The following SLC5A4 variants were observed in gnomAD, a reference collection of about 807,000 sequenced individuals.
The protein encoded by SLC5A4 is probable glucose sensor protein SLC5A4.
Under a neutral mutation model 70.3 loss-of-function variants are expected in SLC5A4, and 55 were observed. The observed-to-expected ratio is 0.78, with a 90% CI of 0.63 to 0.98. The LOEUF is 0.98. Among genes scored for constraint, SLC5A4 ranks in the 50% least tolerant of loss-of-function variants. The probability of loss-of-function intolerance (pLI) is 0.00; values close to 1 mark genes in which losing one functional copy is unlikely to be tolerated. For missense variants in SLC5A4, 735 were observed against 839.2 expected (o/e 0.88, Z 1.53); for synonymous variants, 268 against 305.7 (o/e 0.88, Z 1.29).
chr22:32,247,082 T>G (rs1926873347), intron 5 of SLC5A4, among the ~76,000 whole-genome samples: 3 of 152,224 alleles, frequency 2.0e-5, no homozygotes, highest in African/African-American at 7.2e-5. Flanking sequence ...GACCAAGTCC[T>G]TCTCTTTACT....
the SLC5A4 span, among the ~76,000 whole-genome samples, chr22:32,337,322 TA>T: frequency 6.6e-6 from 1 of 152,182 alleles, no homozygotes; most frequent in African/African-American, 2.4e-5. Flanking sequence ...TGCCTGGGCT[TA>T]GGAGTTCAGG....
At chr22:32,335,156 G>T in the SLC5A4 span, among the ~76,000 whole-genome samples, 1 of 152,178 alleles carries the variant, frequency 6.6e-6, no homozygotes, top group Non-Finnish European at 1.5e-5. Flanking sequence ...AGGACACTGG[G>T]AGCCCTGGGA....
chr22:32,224,480 T>C lies in SLC5A4; in HGVS notation c.1452A>G (p.Gly484=). The C allele has an allele frequency of 6.2e-7, 1 of 1,610,538 alleles. No individual in the cohort carries two copies. The highest frequency in any genetic ancestry group is 8.5e-7 in the Non-Finnish European group (1 of 1,177,036). Residue 484 remains glycine (G), a splice_region_variant and synonymous_variant, in exon 13 of 15, where the codon GGA becomes GGG. Coordinates refer to ENST00000266086, the MANE Select transcript of SLC5A4 (RefSeq NM_014227.3). ...AIFCKRVNEQ[G]AFWGLMVGLA... ...GTCCAACCATTAGACCCCAGAATGCTCCCTGCAAAAGAAGCAAGAAGAAAA... is the reference window on the plus strand; with the variant it reads ...GTCCAACCATTAGACCCCAGAATGCCCCCTGCAAAAGAAGCAAGAAGAAAA...
chr22:32,336,901 G>A, the SLC5A4 span, among the ~76,000 whole-genome samples: 1 of 152,226 alleles, frequency 6.6e-6, no homozygotes, highest in South Asian at 2.1e-4. Context: ...CCTACGGCCA[G>A]CCTTCAATAA....
chr22:32,307,424 G>C, the SLC5A4 span, among the ~76,000 whole-genome samples: 1 of 152,142 alleles, frequency 6.6e-6, no homozygotes, highest in East Asian at 1.9e-4. Flanking sequence ...GTGTCCGTTA[G>C]GCACAAATAG....
chr22:32,327,777 A>G, the SLC5A4 span, among the ~76,000 whole-genome samples: 1 of 151,882 alleles, frequency 6.6e-6, no homozygotes, highest in African/African-American at 2.4e-5. Flanking sequence ...GGATGTAGTC[A>G]CTCTCAGGGG....
the SLC5A4 span, among the ~76,000 whole-genome samples, chr22:32,312,423 G>A: frequency 6.6e-6 from 1 of 151,712 alleles, no homozygotes; most frequent in East Asian, 1.9e-4. Flanking sequence ...GCCCCAAGGG[G>A]CCGCTATTGG....
At chr22:32,286,640 G>A in the SLC5A4 span, among the ~76,000 whole-genome samples, 4 of 152,156 alleles carry the variant, frequency 2.6e-5, no homozygotes, top group Non-Finnish European at 5.9e-5. Flanking sequence ...TGTGTGCCAA[G>A]GACACTGATA....
chr22:32,325,888 C>T, the SLC5A4 span, among the ~76,000 whole-genome samples: 1 of 152,208 alleles, frequency 6.6e-6, no homozygotes, highest in African/African-American at 2.4e-5. Flanking sequence ...CAGCCCCTCT[C>T]GTCCAGGGCA....
chr22:32,240,919 T>C (rs1926473585), intron 5 of SLC5A4, among the ~76,000 whole-genome samples: 1 of 152,250 alleles, frequency 6.6e-6, no homozygotes, highest in Non-Finnish European at 1.5e-5. Flanking sequence ...TAGAGAAGTA[T>C]AGATAAATTA....
chr22:32,337,984 C>A, the SLC5A4 span, among the ~76,000 whole-genome samples: 1 of 149,128 alleles, frequency 6.7e-6, no homozygotes, highest in Non-Finnish European at 1.5e-5. Context: ...AACAGGCTCC[C>A]AAAATTCCTA....
At chr22:32,260,269 G>A (rs1378767781), upstream of SLC5A4, among the ~76,000 whole-genome samples, 1 of 152,146 alleles carries the variant, frequency 6.6e-6, no homozygotes, top group Admixed American at 6.5e-5. Flanking sequence ...CAGAGGTGGG[G>A]GTGCTTACAT....
At chr22:32,275,089 C>T in the SLC5A4 span, among the ~76,000 whole-genome samples, 1 of 152,146 alleles carries the variant, frequency 6.6e-6, no homozygotes, top group African/African-American at 2.4e-5. Flanking sequence ...CTCTATTGTA[C>T]ACCAGTAGTA....
the SLC5A4 span, chr22:32,272,011 C>T: frequency 3.4e-5 from 21 of 623,542 alleles, no homozygotes; most frequent in East Asian, 5.9e-5. Context: ...CCCCAGGAGG[C>T]GGCCTTATCT....
chr22:32,238,329 A>T (rs1025449873), intron 6 of SLC5A4, among the ~76,000 whole-genome samples: 1 of 152,090 alleles, frequency 6.6e-6, no homozygotes. Flanking sequence ...CATTTTGGAG[A>T]GTTGGTCTCT....
At chr22:32,272,999 T>C in the SLC5A4 span, 2 of 539,974 alleles carry the variant, frequency 3.7e-6, no homozygotes, top group African/African-American at 1.9e-5. Context: ...GCTCAACCGC[T>C]ACCTGTACCT....
the SLC5A4 span, among the ~76,000 whole-genome samples, chr22:32,351,308 G>A: frequency 3.9e-5 from 6 of 151,938 alleles, no homozygotes; most frequent in East Asian, 1.9e-4. Context: ...TACTTACAAC[G>A]AATTAACAGG....
the SLC5A4 span, among the ~76,000 whole-genome samples, chr22:32,294,265 T>C: frequency 1.3e-5 from 2 of 152,354 alleles, no homozygotes; most frequent in East Asian, 3.9e-4. Flanking sequence ...TGCTCTTCAT[T>C]CTGGATGTTT....
upstream of SLC5A4, chr22:32,255,350 C>T: frequency 6.2e-7 from 1 of 1,610,476 alleles, no homozygotes; most frequent in Non-Finnish European, 8.5e-7. Context: ...AGTGCTATAC[C>T]CATTCCACGC....
Sources: gnomAD v4.1 joint callset for allele counts (sites outside exome capture counted in the v4.1 genomes callset) on GRCh38, gnomAD v4.1.1 for gene constraint, MANE v1.5 for transcripts, NCBI Gene and HGNC (gene_info 2026-07-23, HGNC 2026-07-21) for gene names.